The following F8 variants were observed in gnomAD, a reference collection of about 807,000 sequenced individuals.
F8 encodes the protein coagulation factor VIII.
F8 carries 12 observed loss-of-function variants against 140.6 expected under a neutral mutation model. The ratio of observed to expected loss-of-function variants is 0.09; its 90% CI spans 0.05 to 0.14. The LOEUF (loss-of-function observed/expected upper bound fraction) is 0.14. F8 is among the 10% of genes least tolerant of loss of function. The pLI, the probability that F8 is intolerant of heterozygous loss-of-function variation, is 1.00. For missense variants in F8, 1,354 were observed against 1,720.7 expected (o/e 0.79, Z 3.77); for synonymous variants, 585 against 614.6 (o/e 0.95, Z 0.71).
chrX:154,918,542 C>T (rs782651552), intron 14 of F8, among the ~76,000 whole-genome samples: 3 of 109,060 alleles, frequency 2.8e-5, no homozygotes, highest in Non-Finnish European at 5.7e-5. Context: ...TCTGGGGGAA[C>T]TTTTCTGCAT....
chrX:154,969,919 C>T (rs1247948319), intron 6 of F8, among the ~76,000 whole-genome samples: 1 of 111,844 alleles, frequency 8.9e-6, no homozygotes, highest in Non-Finnish European at 1.9e-5. Context: ...GAACTCCAGG[C>T]TCATACAGCC....
At chrX:154,912,915 T>C (rs1410554705) in intron 14 of F8, among the ~76,000 whole-genome samples, 1 of 110,554 alleles carries the variant, frequency 9.0e-6, no homozygotes, top group Non-Finnish European at 1.9e-5. Flanking sequence ...TCAGATCTCA[T>C]GAAAACTTAC....
chrX:154,957,206 G>A (rs373569942), intron 10 of F8, 35 bp from the exon 11 acceptor site: 12 of 1,031,863 alleles, frequency 1.2e-5, no homozygotes, highest in Non-Finnish European at 1.6e-5. Flanking sequence ...AGCTCAATTA[G>A]AGTACAACAA....
intron 25 of F8, 132 bp from the exon 26 acceptor site, chrX:154,837,884 T>C (rs1332949563): frequency 4.8e-6 from 3 of 629,096 alleles, no homozygotes; most frequent in Non-Finnish European, 7.6e-6. Context: ...TAGATGACTC[T>C]GTCCTACGCA....
intron 1 of F8, among the ~76,000 whole-genome samples, chrX:155,008,689 G>A (rs1178126882): frequency 2.1e-4 from 23 of 110,378 alleles, no homozygotes; most frequent in African/African-American, 6.6e-4. Context: ...TGCCTGTGGG[G>A]GCCACGCACC....
chrX:155,020,072 GA>G (rs2073752626), intron 1 of F8, among the ~76,000 whole-genome samples: 1 of 111,597 alleles, frequency 9.0e-6, no homozygotes, highest in South Asian at 3.7e-4. Flanking sequence ...AAGTGTCTAA[GA>G]ATAGCTAAGA....
chrX:154,958,942 G>T (rs1182931106), intron 10 of F8, among the ~76,000 whole-genome samples: 2 of 111,632 alleles, frequency 1.8e-5, no homozygotes, highest in African/African-American at 3.3e-5. Context: ...CAGTCTGTCT[G>T]CCCATCATGT....
chrX:154,868,327 G>C (rs962590827), intron 22 of F8, among the ~76,000 whole-genome samples: 25 of 111,996 alleles, frequency 2.2e-4, no homozygotes, highest in African/African-American at 7.8e-4. Flanking sequence ...ACTCTCTCTT[G>C]CCTGCTGCCA....
intron 22 of F8, among the ~76,000 whole-genome samples, chrX:154,865,732 G>C (rs1360893405): frequency 1.3e-5 from 1 of 79,863 alleles, no homozygotes; most frequent in Non-Finnish European, 2.3e-5. Context: ...AAGATAAAGA[G>C]AAAAGAATCA....
intron 25 of F8, among the ~76,000 whole-genome samples, chrX:154,844,222 C>G (rs5987044): frequency 3.5e-4 from 39 of 111,416 alleles, no homozygotes; most frequent in African/African-American, 1.2e-3. Context: ...AGTCAGGTAG[C>G]GTGATGCCTC....
rs781817436 is a variant in F8 at position 154,929,866 on chromosome X, C to T, written c.3924G>A (p.Glu1308=). Residue 1308 remains glutamate, a synonymous_variant, in exon 14 of 26, where the codon GAG becomes GAA. Transcript: ENST00000360256. ...GLGNQTKQIV[E]KYACTTRISP... ...ATATCCTTGTGGTGCATGCATATTT[C>T]TCTACAATTTGCTTGGTTTGATTTC... 3.3e-6 allele frequency: 4 copies of T among 1,211,539 alleles called. No homozygotes were observed. Among genetic ancestry groups the T allele is most frequent in the Non-Finnish European group, 4.5e-6 (4 of 895,238 alleles).
intron 13 of F8, among the ~76,000 whole-genome samples, chrX:154,935,144 G>C (rs2073216800): frequency 9.0e-6 from 1 of 110,947 alleles, no homozygotes; most frequent in Non-Finnish European, 1.9e-5. Flanking sequence ...CTGGGCAACA[G>C]AGTGAGACCC....
intron 13 of F8, among the ~76,000 whole-genome samples, chrX:154,942,930 C>G: frequency 9.3e-6 from 1 of 107,975 alleles, no homozygotes; most frequent in Admixed American, 9.9e-5. Flanking sequence ...ATGATTATCT[C>G]AATAGATGCA....
chrX:154,919,502 TC>T, intron 14 of F8: 1 of 404,909 alleles, frequency 2.5e-6, no homozygotes. Context: ...AATCTGGCTT[TC>T]CCTGGTCCTC....
At position 154,836,514 on chromosome X, in the gene F8, G is replaced by A. The variant is rs1481861780; in HGVS notation, c.*1083C>T. 9.0e-6 allele frequency: 1 copy of A among 111,695 alleles called. No homozygotes were observed. Among genetic ancestry groups the A allele is most frequent in the East Asian group, 2.8e-4 (1 of 3,593 alleles). 9.2% of individuals were successfully genotyped at this position (111,695 alleles called of 1,213,427 possible). A position where few individuals can be genotyped will look rare whatever the true frequency, so the allele number is the denominator to read the frequency against. On this transcript the variant is annotated 3_prime_UTR_variant, in exon 26 of 26. Transcript: ENST00000360256. ...CCTCCTTGATATTTCAACTATGTAA[G>A]TAGGACTCTAGTTTTCAGTCACGGT...
intron 22 of F8, among the ~76,000 whole-genome samples, chrX:154,892,176 A>G (rs1255545881): frequency 8.9e-6 from 1 of 112,361 alleles, no homozygotes; most frequent in Non-Finnish European, 1.9e-5. Context: ...TCTGCAACTT[A>G]TGCTCAGCCC....
At chrX:154,862,014 T>C (rs2072695961) in intron 23 of F8, 148 bp from the exon 24 acceptor site, 9 of 657,224 alleles carry the variant, frequency 1.4e-5, no homozygotes, top group Non-Finnish European at 2.1e-5. Flanking sequence ...TATTGGTTTT[T>C]TGTTTTGTTT....
chrX:154,921,382 C>T lies in F8; in HGVS notation c.5219+7189G>A, dbSNP rs5987058. 9.9e-3 allele frequency among the ~76,000 whole-genome samples: 1,110 copies of T among 111,660 alleles called. 15 individuals are homozygous for T. The highest frequency in any genetic ancestry group is 0.035 in the African/African-American group (1,060 of 30,693). ...ATCATTAAAAAGTCAGGAAACAACA[C>T]GTGCTGGAGAGGATGTGGAGAAATA... On this transcript the variant is annotated intron_variant, in intron 14 of 25. Transcript: ENST00000360256.
At chrX:154,869,081 C>A (rs1557273360) in intron 22 of F8, among the ~76,000 whole-genome samples, 1 of 111,386 alleles carries the variant, frequency 9.0e-6, no homozygotes, top group African/African-American at 3.3e-5. Context: ...GAGACGTAGA[C>A]TCCCACACAA....
Sources: allele counts gnomAD v4.1 joint callset (sites outside exome capture counted in the v4.1 genomes callset), GRCh38; gene constraint gnomAD v4.1.1; transcripts MANE v1.5; gene names NCBI Gene and HGNC (gene_info 2026-07-23, HGNC 2026-07-21).